The following KIF6 variants were observed in gnomAD, a reference collection of about 807,000 sequenced individuals.
KIF6 encodes kinesin-like protein KIF6.
In KIF6, 106 loss-of-function variants were observed where a neutral mutation model predicts 112.7. The ratio of observed to expected loss-of-function variants is 0.94; its 90% CI spans 0.80 to 1.11. The LOEUF (loss-of-function observed/expected upper bound fraction) is 1.11, where lower values mean the gene tolerates loss of function less well. Ranked by LOEUF, KIF6 falls within the 50% of genes least tolerant of loss-of-function variation. KIF6 has a pLI of 0.00. For missense variants in KIF6, 929 were observed against 964.0 expected, an observed-to-expected ratio of 0.96 and a Z score of 0.48; for synonymous variants, 339 against 339.9, an observed-to-expected ratio of 1.00 and a Z score of 0.03.
intron 13 of KIF6, among the ~76,000 whole-genome samples, chr6:39,477,566 A>G (rs1774509378): frequency 6.6e-6 from 1 of 152,218 alleles, no homozygotes; most frequent in African/African-American, 2.4e-5. Context: ...ATCTGTTTTT[A>G]AAATAAATTT....
Position 39,342,820 on chromosome 6 carries a change from C to T in KIF6, c.2428+889G>A. 2 of 985,348 alleles carry T rather than the reference C, an allele frequency of 2.0e-6. No homozygotes were observed. Among genetic ancestry groups the T allele is most frequent in the Non-Finnish European group, 2.4e-6 (2 of 829,930 alleles). 61.0% of individuals were successfully genotyped at this position (985,348 alleles called of 1,614,324 possible). ...AAGGCCGGCTCTCAGTTGCGGCGCT[C>T]CATCCATGCACAAACCTCTTCCTGC... On this transcript the variant is annotated intron_variant, in intron 22 of 22. Coordinates refer to ENST00000287152, the MANE Select transcript of KIF6 (RefSeq NM_145027.6). The surrounding 1 kb of genome is among the most constrained non-coding windows in gnomAD (Gnocchi z 4.7).
intron 10 of KIF6, among the ~76,000 whole-genome samples, chr6:39,552,730 T>C (rs1779456645): frequency 2.0e-5 from 3 of 151,990 alleles, no homozygotes; most frequent in Non-Finnish European, 4.4e-5. Flanking sequence ...GATCATCAAA[T>C]AAATAGTAAC....
At chr6:39,678,753 T>C (rs1561922529) in intron 3 of KIF6, among the ~76,000 whole-genome samples, 1 of 152,354 alleles carries the variant, frequency 6.6e-6, no homozygotes, top group South Asian at 2.1e-4. Flanking sequence ...ACCTCAGACA[T>C]ATCAGGACAC....
chr6:39,659,800 C>T (rs533211718), intron 3 of KIF6, among the ~76,000 whole-genome samples: 1 of 152,228 alleles, frequency 6.6e-6, no homozygotes, highest in African/African-American at 2.4e-5. Context: ...TATAAATTAC[C>T]CAGTTTTGTG....
At chr6:39,358,690 G>C (rs561621304) in intron 18 of KIF6, among the ~76,000 whole-genome samples, 2 of 152,302 alleles carry the variant, frequency 1.3e-5, no homozygotes, top group East Asian at 3.9e-4. Context: ...AGAATCCAGG[G>C]GCTCTGCCAA....
intron 3 of KIF6, among the ~76,000 whole-genome samples, chr6:39,663,400 T>G (rs1023877237): frequency 6.6e-6 from 1 of 152,076 alleles, no homozygotes; most frequent in Non-Finnish European, 1.5e-5. Context: ...AGTTAAGCCA[T>G]AAACTGCAGA....
chr6:39,464,707 AG>A (rs1322711489), intron 13 of KIF6, among the ~76,000 whole-genome samples: 2 of 152,152 alleles, frequency 1.3e-5, no homozygotes, highest in Non-Finnish European at 2.9e-5. Flanking sequence ...AGCACCACTG[AG>A]TGGAGCAGGA....
At chr6:39,641,219 T>C (rs1784880698) in intron 3 of KIF6, among the ~76,000 whole-genome samples, 1 of 152,160 alleles carries the variant, frequency 6.6e-6, no homozygotes, top group South Asian at 2.1e-4. Context: ...AAATATCTAA[T>C]CTTAAACATT....
At chr6:39,724,352 T>C (rs189437954) in intron 1 of KIF6, among the ~76,000 whole-genome samples, 258 of 149,320 alleles carry the variant, frequency 1.7e-3, no homozygotes, top group African/African-American at 4.9e-3. Flanking sequence ...ACTTGAGAGG[T>C]TGAGGCAGGA....
At chr6:39,384,020 A>G (rs1767196271) in intron 16 of KIF6, among the ~76,000 whole-genome samples, 1 of 152,230 alleles carries the variant, frequency 6.6e-6, no homozygotes, top group Non-Finnish European at 1.5e-5. Context: ...TTGCTGAAGC[A>G]GTTTATCAGG....
intron 16 of KIF6, among the ~76,000 whole-genome samples, chr6:39,363,257 T>C (rs1765307057): frequency 6.6e-6 from 1 of 152,196 alleles, no homozygotes; most frequent in Admixed American, 6.5e-5. Flanking sequence ...TGGAGGTGCT[T>C]AATTTCCAGC....
At position 39,409,665 on chromosome 6, in the gene KIF6, C is replaced by T. The variant is rs976282888; in HGVS notation, c.1810+10283G>A. On this transcript the variant is annotated intron_variant, in intron 15 of 22. Coordinates refer to ENST00000287152, the MANE Select transcript of KIF6 (RefSeq NM_145027.6). ...TGTGTTAGAGAGCCAGTCTGGTCCA[C>T]AGGATCATGTTACCACATGAAGCCA... is the stretch of plus-strand genomic sequence containing the variant. Among the ~76,000 whole-genome samples, 3 of 152,308 alleles carry T rather than the reference C, an allele frequency of 2.0e-5. No homozygotes were observed. The South Asian group carries it at 6.2e-4, about 32-fold the overall frequency.
At chr6:39,676,022 C>A (rs1787117052) in intron 3 of KIF6, among the ~76,000 whole-genome samples, 2 of 142,880 alleles carry the variant, frequency 1.4e-5, no homozygotes, top group Non-Finnish European at 3.0e-5. Flanking sequence ...ATATGAGTTA[C>A]AGAAATAGGC....
rs576525171 is a variant in KIF6, at chr6:39,348,953, C to G, written c.2181-2427G>C. 1.3e-3 allele frequency among the ~76,000 whole-genome samples: 192 copies of G among 152,282 alleles called. 1 individual carries two copies. Among genetic ancestry groups the G allele is most frequent in the Admixed American group, 2.4e-3 (36 of 15,300 alleles). On this transcript the variant is annotated intron_variant, in intron 19 of 22. Coordinates refer to ENST00000287152, the MANE Select transcript of KIF6 (RefSeq NM_145027.6). ...AACATTTATCTGCTCACAGAGTGAC[C>G]GTGTCGGAGGGACCTTTGCACATCT...
chr6:39,652,877 C>CT (rs1410735959), intron 3 of KIF6, among the ~76,000 whole-genome samples: 1 of 152,114 alleles, frequency 6.6e-6, no homozygotes, highest in Non-Finnish European at 1.5e-5. Flanking sequence ...AACCTACCAT[C>CT]TTTTTATAAA....
rs1554195029 is a variant in KIF6 at position 39,337,155 on chromosome 6, T to TTTTCCTTCCTTCCTTTCTTTCTTTC, written c.2429-608_2429-607insGAAAGAAAGAAAGGAAGGAAGGAAA. On this transcript the variant is annotated intron_variant, in intron 22 of 22. Transcript: ENST00000287152. Reference sequence around the variant, plus strand: ...TCCTTCCTTCCTTCCTTTCTCTTTCTTTTCTTTCTTTCCTTCCTTCTTTCT... The same window carrying TTTTCCTTCCTTCCTTTCTTTCTTTC: ...TCCTTCCTTCCTTCCTTTCTCTTTCTTTTCCTTCCTTCCTTTCTTTCTTTCTTTCTTTCTTTCCTTCCTTCTTTCT... 1.2e-3 allele frequency among the ~76,000 whole-genome samples: 63 copies of TTTTCCTTCCTTCCTTTCTTTCTTTC among 53,698 alleles called. 3 individuals carry two copies. The highest frequency in any genetic ancestry group is 3.8e-3 in the East Asian group (8 of 2,110). 35.2% of individuals were successfully genotyped at this position (53,698 alleles called of 152,430 possible). A position where few individuals can be genotyped will look rare whatever the true frequency, so the allele number is the denominator to read the frequency against.
chr6:39,638,189 T>C (rs998324636), intron 4 of KIF6, among the ~76,000 whole-genome samples: 1 of 152,104 alleles, frequency 6.6e-6, no homozygotes, highest in Non-Finnish European at 1.5e-5. Flanking sequence ...AACTATCATG[T>C]ATTGAGCATA....
intron 15 of KIF6, among the ~76,000 whole-genome samples, chr6:39,403,832 T>C (rs992970797): frequency 6.6e-6 from 1 of 152,206 alleles, no homozygotes; most frequent in Non-Finnish European, 1.5e-5. Context: ...TAAAAACATT[T>C]TAAGCTATTC....
rs147271213 is a variant in KIF6 at position 39,338,989 on chromosome 6, G to C, written c.2429-2441C>G. Among the ~76,000 whole-genome samples, 284 of 152,164 alleles carry C rather than the reference G, an allele frequency of 1.9e-3. 1 individual carries two copies. The highest frequency in any genetic ancestry group is 4.7e-3 in the African/African-American group (193 of 41,502). On this transcript the variant is annotated intron_variant, in intron 22 of 22. Transcript: ENST00000287152. Reference sequence around the variant, plus strand: ...CCTGGGAAGAAATGCTACAGAATAGGGGGGAGAGCACGCTCTGCCCCAAGA... The same window carrying C: ...CCTGGGAAGAAATGCTACAGAATAGCGGGGAGAGCACGCTCTGCCCCAAGA...
Sources: gnomAD v4.1 joint callset for allele counts (sites outside exome capture counted in the v4.1 genomes callset) on GRCh38, gnomAD v4.1.1 for gene constraint, Gnocchi (gnomAD v3.1) non-coding constraint, MANE v1.5 for transcripts, NCBI Gene and HGNC (gene_info 2026-07-23, HGNC 2026-07-21) for gene names.